DAB1: variants seen among roughly 807,000 people sequenced by gnomAD.
DAB1 encodes the protein disabled homolog 1.
DAB1 carries 15 observed loss-of-function variants against 64.6 expected under a neutral mutation model. The ratio of observed to expected loss-of-function variants is 0.23; its 90% CI spans 0.16 to 0.36. The LOEUF is 0.36. DAB1 is among the 10% of genes least tolerant of loss of function. DAB1 has a pLI of 1.00. For missense variants in DAB1, 596 were observed against 706.7 expected, an observed-to-expected ratio of 0.84 and a Z score of 1.78; for synonymous variants, 235 against 251.9, an observed-to-expected ratio of 0.93 and a Z score of 0.64.
intron 5 of DAB1, among the ~76,000 whole-genome samples, chr1:58,003,276 T>C (rs1486206604): frequency 6.6e-6 from 1 of 152,180 alleles, no homozygotes; most frequent in African/African-American, 2.4e-5. Context: ...TCCTCTCCGC[T>C]TCAATGACAA....
intron 5 of DAB1, among the ~76,000 whole-genome samples, chr1:58,102,726 T>C (rs1330721772): frequency 2.6e-5 from 4 of 152,346 alleles, no homozygotes; most frequent in Admixed American, 2.6e-4. Flanking sequence ...AATTAGAATA[T>C]ATGCTATGTG....
chr1:57,300,969 G>A (rs1415756830), intron 1 of DAB1, among the ~76,000 whole-genome samples: 2 of 151,916 alleles, frequency 1.3e-5, no homozygotes, highest in African/African-American at 4.8e-5. Flanking sequence ...TTACAAGATG[G>A]TGCTTGTCCA....
chr1:58,349,057 T>C (rs1282393814), intron 3 of DAB1, among the ~76,000 whole-genome samples: 1 of 152,148 alleles, frequency 6.6e-6, no homozygotes, highest in Non-Finnish European at 1.5e-5. Flanking sequence ...CTTCAGTCTT[T>C]GAAAACTTAC....
chr1:58,234,693 C>T (rs929194163), intron 4 of DAB1, among the ~76,000 whole-genome samples: 1 of 152,116 alleles, frequency 6.6e-6, no homozygotes, highest in Non-Finnish European at 1.5e-5. Context: ...CAGAAGTGAA[C>T]GAGAGCAGGG....
chr1:57,646,126 A>C lies in DAB1; in HGVS notation n.625+3466T>G, dbSNP rs959290601. Among the ~76,000 whole-genome samples the C allele has an allele frequency of 1.8e-4, 28 of 152,356 alleles. 2 individuals carry two copies. The highest frequency in any genetic ancestry group is 6.7e-4 in the African/African-American group (28 of 41,580). On this transcript the variant is annotated intron_variant and non_coding_transcript_variant, in intron 7 of 20. Transcript: ENST00000485760. The stretch of plus-strand genomic sequence containing the variant: ...ATGGGAAAGGCATACTATCTCACCT[A>C]TGATGGCTGCAGATGAATATAAAGA...
intron 1 of DAB1, among the ~76,000 whole-genome samples, chr1:57,343,303 G>A (rs1178935178): frequency 1.3e-5 from 2 of 152,222 alleles, no homozygotes; most frequent in Admixed American, 1.3e-4. Flanking sequence ...TAGATATAGA[G>A]CGCCGATTGG....
At chr1:57,207,908 G>C (rs1569894188) in intron 2 of DAB1, among the ~76,000 whole-genome samples, 1 of 152,142 alleles carries the variant, frequency 6.6e-6, no homozygotes, top group Admixed American at 6.5e-5. Flanking sequence ...GACTTGTCAG[G>C]TCACATAAAA....
chr1:58,530,513 A>C, intron 1 of DAB1: 1 of 723,508 alleles, frequency 1.4e-6, no homozygotes, highest in Non-Finnish European at 2.4e-6. Context: ...TAAAATGTAA[A>C]AACATCTCTG....
At chr1:58,173,615 C>A (rs536526649) in intron 4 of DAB1, among the ~76,000 whole-genome samples, 30 of 152,202 alleles carry the variant, frequency 2.0e-4, no homozygotes, top group Non-Finnish European at 4.1e-4. Flanking sequence ...AAACCCCTTT[C>A]CAGCCACACA....
intron 3 of DAB1, among the ~76,000 whole-genome samples, chr1:58,467,286 C>A (rs1342439519): frequency 1.3e-5 from 2 of 152,214 alleles, no homozygotes; most frequent in African/African-American, 4.8e-5. Context: ...ACCCCAGCTG[C>A]CCCACTGCAG....
At chr1:58,292,888 T>C (rs753148315) in intron 4 of DAB1, among the ~76,000 whole-genome samples, 1 of 152,158 alleles carries the variant, frequency 6.6e-6, no homozygotes, top group Non-Finnish European at 1.5e-5. Context: ...GCTTGGCACT[T>C]GGAATGTAAA....
rs1038970579 is a variant in DAB1, at chr1:57,522,928, C to A, written n.625+126664G>T. Among the ~76,000 whole-genome samples the A allele has an allele frequency of 3.9e-5, 6 of 152,288 alleles. No individual in the cohort carries two copies. The South Asian group carries it at 6.2e-4, about 16-fold the overall frequency. On this transcript the variant is annotated intron_variant and non_coding_transcript_variant, in intron 7 of 20. Transcript: ENST00000485760. ...GACTCCAAGTTCTTCGGCTTTTGAA[C>A]GCTTGGACTTACACCAGTGATTTGC...
chr1:58,489,412 C>T (rs1046321864), intron 3 of DAB1, among the ~76,000 whole-genome samples: 3 of 152,156 alleles, frequency 2.0e-5, no homozygotes, highest in Non-Finnish European at 4.4e-5. Flanking sequence ...CCTGCCATTG[C>T]CGAGGCTTGA....
At chr1:57,914,925 T>G (rs1033605053) in intron 5 of DAB1, among the ~76,000 whole-genome samples, 4 of 152,180 alleles carry the variant, frequency 2.6e-5, no homozygotes, top group African/African-American at 9.6e-5. Flanking sequence ...GCACCCTAAC[T>G]CTTAGGAATC....
chr1:57,564,980 C>T (rs544339053), intron 7 of DAB1, among the ~76,000 whole-genome samples: 1 of 152,120 alleles, frequency 6.6e-6, no homozygotes, highest in African/African-American at 2.4e-5. Flanking sequence ...TGTCAGTTCA[C>T]CAAAGTTGAA....
intron 7 of DAB1, among the ~76,000 whole-genome samples, chr1:57,430,757 G>T (rs907447754): frequency 6.6e-6 from 1 of 151,874 alleles, no homozygotes; most frequent in Non-Finnish European, 1.5e-5. Flanking sequence ...AATTTCAAAG[G>T]TTTATAATCC....
intron 4 of DAB1, among the ~76,000 whole-genome samples, chr1:58,166,991 C>A (rs766542840): frequency 6.6e-6 from 1 of 151,202 alleles, no homozygotes; most frequent in Non-Finnish European, 1.5e-5. Flanking sequence ...AAGAAATCCA[C>A]GCACCTTGGC....
At chr1:58,187,670 C>A (rs999002605) in intron 4 of DAB1, among the ~76,000 whole-genome samples, 2 of 151,106 alleles carry the variant, frequency 1.3e-5, no homozygotes, top group Non-Finnish European at 2.9e-5. Context: ...ACCTTCGCCT[C>A]CCAGATTCAA....
intron 5 of DAB1, among the ~76,000 whole-genome samples, chr1:58,044,812 C>G (rs898297698): frequency 6.6e-6 from 1 of 151,942 alleles, no homozygotes; most frequent in African/African-American, 2.4e-5. Context: ...ATCACAGAAC[C>G]CAATACATAG....
Sources: gnomAD v4.1 joint callset for allele counts (sites outside exome capture counted in the v4.1 genomes callset) on GRCh38, gnomAD v4.1.1 for gene constraint, MANE v1.5 for transcripts, NCBI Gene and HGNC (gene_info 2026-07-23, HGNC 2026-07-21) for gene names.